ATP2B2: variants seen among roughly 807,000 people sequenced by gnomAD.
ATP2B2 encodes the protein plasma membrane calcium-transporting ATPase 2.
ATP2B2 carries 15 observed loss-of-function variants against 120.0 expected under a neutral mutation model. The ratio of observed to expected loss-of-function variants is 0.12; its 90% CI spans 0.08 to 0.19. The LOEUF is 0.19. Among genes scored for constraint, ATP2B2 ranks in the 10% least tolerant of loss-of-function variants. The pLI is 1.00. For synonymous variants in ATP2B2, 694 were observed against 700.3 expected, an observed-to-expected ratio of 0.99 and a Z score of 0.14; for missense variants, 1,045 against 1,719.8, an observed-to-expected ratio of 0.61 and a Z score of 6.94.
chr3:10,525,738 C>G (rs957758784), intron 3 of ATP2B2, among the ~76,000 whole-genome samples: 2 of 152,000 alleles, frequency 1.3e-5, no homozygotes, highest in Non-Finnish European at 2.9e-5. Context: ...TTAATCTGGG[C>G]GGTGGTTACA....
At chr3:10,442,889 A>G (rs2063716786) in intron 2 of ATP2B2, among the ~76,000 whole-genome samples, 1 of 152,238 alleles carries the variant, frequency 6.6e-6, no homozygotes, top group Non-Finnish European at 1.5e-5. Flanking sequence ...GACCCTATGA[A>G]AGAGGCACTG....
intron 1 of ATP2B2, among the ~76,000 whole-genome samples, chr3:10,664,863 G>A (rs1233647654): frequency 6.6e-6 from 1 of 152,118 alleles, no homozygotes; most frequent in Non-Finnish European, 1.5e-5. Context: ...TCCCATCTCA[G>A]GAAAAGGCAC....
intron 2 of ATP2B2, among the ~76,000 whole-genome samples, chr3:10,578,074 C>A (rs2068295212): frequency 6.6e-6 from 1 of 152,242 alleles, no homozygotes; most frequent in South Asian, 2.1e-4. Flanking sequence ...GCAAGGGGCT[C>A]AGCATCTCTG....
At chr3:10,537,573 G>A (rs1006993588) in intron 2 of ATP2B2, among the ~76,000 whole-genome samples, 4 of 145,088 alleles carry the variant, frequency 2.8e-5, no homozygotes, top group Admixed American at 6.9e-5. Context: ...ATTACTTCTA[G>A]GAGGTTTGTG....
rs937121930 is a variant in ATP2B2, at chr3:10,426,626, T to C, written c.200-15811A>G. Among the ~76,000 whole-genome samples the C allele has an allele frequency of 2.6e-5, 4 of 152,210 alleles. No individual in the cohort carries two copies. In the East Asian group the frequency reaches 5.8e-4, roughly 22 times the overall value. ...ACTTGGGGAAATGCAATCTCCAGCC[T>C]GGGCCTCAGCCTGGGATGTCACTTG... On this transcript the variant is annotated intron_variant, in intron 2 of 22. Transcript: ENST00000360273.
At chr3:10,660,387 T>C (rs2070748790) in intron 1 of ATP2B2, among the ~76,000 whole-genome samples, 1 of 151,912 alleles carries the variant, frequency 6.6e-6, no homozygotes, top group African/African-American at 2.4e-5. Context: ...AAGAATCAAA[T>C]AGATGCAATA....
chr3:10,503,865 A>G (rs2066493224), intron 1 of ATP2B2, among the ~76,000 whole-genome samples: 1 of 152,172 alleles, frequency 6.6e-6, no homozygotes, highest in Non-Finnish European at 1.5e-5. Flanking sequence ...TGCTACATGC[A>G]TGTGTGGGCA....
chr3:10,592,214 G>T (rs1472186658), intron 2 of ATP2B2, among the ~76,000 whole-genome samples: 1 of 152,312 alleles, frequency 6.6e-6, no homozygotes, highest in Non-Finnish European at 1.5e-5. Context: ...GACTAAGAGA[G>T]GTGAATACTT....
chr3:10,537,603 T>A (rs1358151501), intron 2 of ATP2B2, among the ~76,000 whole-genome samples: 2 of 152,152 alleles, frequency 1.3e-5, no homozygotes, highest in Non-Finnish European at 2.9e-5. Flanking sequence ...TCCTTGGGAT[T>A]TTTATGTAGA....
At chr3:10,334,974 C>CT (rs755091681) in intron 22 of ATP2B2, among the ~76,000 whole-genome samples, 9 of 152,200 alleles carry the variant, frequency 5.9e-5, no homozygotes, top group Non-Finnish European at 1.3e-4. Context: ...CCCTGCAGAT[C>CT]AGAAGCGCCT....
rs2060241217 is a variant in ATP2B2 at position 10,340,406 on chromosome 3, C to T, written c.3130-57G>A. On this transcript the variant is annotated intron_variant, in intron 20 of 22. Transcript: ENST00000360273. This position sits in a 1 kb window ranked among gnomAD's most constrained non-coding sequence, Gnocchi z 5.0. ...AGAGAGAGGCCATCAGGGACCAGCACAGAGGGCTGGGCTCTCAGGGTCCTG... is the reference window on the plus strand; with the variant it reads ...AGAGAGAGGCCATCAGGGACCAGCATAGAGGGCTGGGCTCTCAGGGTCCTG... The T allele has an allele frequency of 6.2e-7, 1 of 1,612,828 alleles. No individual in the cohort carries two copies. Among genetic ancestry groups the T allele is most frequent in the African/African-American group, 1.3e-5 (1 of 74,914 alleles).
intron 1 of ATP2B2, among the ~76,000 whole-genome samples, chr3:10,683,137 C>A (rs1240447997): frequency 1.3e-5 from 2 of 149,994 alleles, no homozygotes; most frequent in Admixed American, 1.3e-4. Context: ...TTTTCTTTTA[C>A]TTTTTTATTT....
At chr3:10,703,261 T>G (rs1431313288) in intron 1 of ATP2B2, among the ~76,000 whole-genome samples, 1 of 152,142 alleles carries the variant, frequency 6.6e-6, no homozygotes, top group Non-Finnish European at 1.5e-5. Context: ...CTGCCCTTTC[T>G]CCTCCTGGGA....
chr3:10,571,371 C>T (rs1361110098), intron 2 of ATP2B2, among the ~76,000 whole-genome samples: 2 of 152,228 alleles, frequency 1.3e-5, no homozygotes, highest in East Asian at 1.9e-4. Context: ...CCTCACGCCC[C>T]ATGGGCTGTG....
At chr3:10,425,803 C>T (rs2063129340) in intron 2 of ATP2B2, among the ~76,000 whole-genome samples, 1 of 152,218 alleles carries the variant, frequency 6.6e-6, no homozygotes, top group Admixed American at 6.5e-5. Flanking sequence ...GCCTCAGCAG[C>T]CACCTTGCCT....
chr3:10,444,871 C>T (rs1389281880), intron 2 of ATP2B2, among the ~76,000 whole-genome samples: 1 of 152,258 alleles, frequency 6.6e-6, no homozygotes, highest in Non-Finnish European at 1.5e-5. Context: ...ACTGGGACAT[C>T]CCCTGCCTCT....
rs185552057 is a variant in ATP2B2 at position 10,343,324 on chromosome 3, G to A, written c.2704-359C>T. ...GGCCAAGACCATTCCCACCGCCTCCGGCATGGGCTCCTACCTCCTCCCCCC... is the reference window on the plus strand; with the variant it reads ...GGCCAAGACCATTCCCACCGCCTCCAGCATGGGCTCCTACCTCCTCCCCCC... On this transcript the variant is annotated intron_variant, in intron 18 of 22. Coordinates refer to ENST00000360273, the MANE Select transcript of ATP2B2 (RefSeq NM_001001331.4). This position sits in a 1 kb window ranked among gnomAD's most constrained non-coding sequence, Gnocchi z 4.2. Among the ~76,000 whole-genome samples the A allele has an allele frequency of 2.7e-3, 410 of 151,448 alleles. 3 individuals carry two copies. The highest frequency in any genetic ancestry group is 0.013 in the East Asian group (66 of 5,102).
In ATP2B2 at chr3:10,375,225, A is replaced by G. The variant is rs532260349; in HGVS notation, c.1416+205T>C. Among the ~76,000 whole-genome samples, 1 of 152,230 alleles carries G rather than the reference A, an allele frequency of 6.6e-6. No homozygotes were observed. Among genetic ancestry groups the G allele is most frequent in the African/African-American group, 2.4e-5 (1 of 41,542 alleles). On this transcript the variant is annotated intron_variant, in intron 11 of 22. Coordinates refer to ENST00000360273, the MANE Select transcript of ATP2B2 (RefSeq NM_001001331.4). This position sits in a 1 kb window ranked among gnomAD's most constrained non-coding sequence, Gnocchi z 4.2. The stretch of plus-strand genomic sequence containing the variant: ...TAACAGCTGCCTCTTCAGCCAGGGT[A>G]TGGCTCTCTGGTTTGCTACAGGCCC...
rs1169325449 is a variant in ATP2B2 at position 10,372,058 on chromosome 3, G to C, written c.1417-7C>G. 4 of 1,614,154 alleles carry C rather than the reference G, an allele frequency of 2.5e-6. No individual in the cohort carries two copies. The South Asian group carries it at 4.4e-5, about 18-fold the overall frequency. On this transcript the variant is annotated splice_region_variant and splice_polypyrimidine_tract_variant and intron_variant, in intron 11 of 22. Transcript: ENST00000360273. The stretch of plus-strand genomic sequence containing the variant: ...TGTTGTCCTTCATCATTTTCTGGGA[G>C]AAGGGGCAGGTGAGAGGGCAACAGT...
Sources: gnomAD v4.1 joint callset for allele counts (sites outside exome capture counted in the v4.1 genomes callset) on GRCh38, gnomAD v4.1.1 for gene constraint, Gnocchi (gnomAD v3.1) non-coding constraint, MANE v1.5 for transcripts, NCBI Gene and HGNC (gene_info 2026-07-23, HGNC 2026-07-21) for gene names.